Variants in ERBB4 observed in about 807,000 individuals in gnomAD.
ERBB4 encodes receptor tyrosine-protein kinase erbB-4.
ERBB4 carries 42 observed loss-of-function variants against 158.0 expected under a neutral mutation model. The ratio of observed to expected loss-of-function variants is 0.27; its 90% confidence interval spans 0.21 to 0.34. The LOEUF is 0.34. Among genes scored for constraint, ERBB4 ranks in the 10% least tolerant of loss-of-function variants. The probability of loss-of-function intolerance (pLI) is 1.00; values close to 1 mark genes in which losing one functional copy is unlikely to be tolerated. For synonymous variants in ERBB4, 583 were observed against 558.7 expected, an observed-to-expected ratio of 1.04 and a Z score of -0.61; for missense variants, 1,333 against 1,624.1, an observed-to-expected ratio of 0.82 and a Z score of 3.08.
intron 1 of ERBB4, among the ~76,000 whole-genome samples, chr2:212,220,469 TAA>T (rs2083258492): frequency 6.6e-6 from 1 of 151,394 alleles, no homozygotes; most frequent in Non-Finnish European, 1.5e-5. Context: ...TTTCCCAGCC[TAA>T]GAGTTAATTC....
At chr2:212,296,628 G>C (rs897674734) in intron 1 of ERBB4, among the ~76,000 whole-genome samples, 2 of 151,804 alleles carry the variant, frequency 1.3e-5, no homozygotes, top group African/African-American at 2.4e-5. Context: ...TCTGCCTTGC[G>C]CCATAACTCT....
chr2:212,145,137 C>T (rs2080620614), intron 1 of ERBB4, among the ~76,000 whole-genome samples: 1 of 151,998 alleles, frequency 6.6e-6, no homozygotes, highest in Non-Finnish European at 1.5e-5. Context: ...TTTCCATTGC[C>T]TTTACATATT....
chr2:212,056,891 C>T (rs530379278), intron 2 of ERBB4, among the ~76,000 whole-genome samples: 92 of 152,130 alleles, frequency 6.0e-4, no homozygotes, highest in African/African-American at 2.1e-3. Context: ...AATAACCAGC[C>T]AACATCATAA....
chr2:211,847,051 C>T (rs2077608040), intron 3 of ERBB4, among the ~76,000 whole-genome samples: 1 of 152,094 alleles, frequency 6.6e-6, no homozygotes, highest in Non-Finnish European at 1.5e-5. Context: ...TTTCCTCTGA[C>T]AAATGCCATC....
chr2:211,692,801 A>G (rs536315211), intron 12 of ERBB4, among the ~76,000 whole-genome samples: 7 of 152,262 alleles, frequency 4.6e-5, no homozygotes, highest in African/African-American at 1.7e-4. Context: ...TATAACATTC[A>G]TAGGTTCTGA....
At chr2:212,347,076 C>T (rs1447677486) in intron 1 of ERBB4, among the ~76,000 whole-genome samples, 3 of 152,046 alleles carry the variant, frequency 2.0e-5, no homozygotes, top group African/African-American at 7.2e-5. Context: ...GGCCTAAGTG[C>T]TAACATTGTA....
intron 1 of ERBB4, among the ~76,000 whole-genome samples, chr2:212,454,489 C>A (rs910654352): frequency 1.3e-5 from 2 of 152,172 alleles, no homozygotes; most frequent in Non-Finnish European, 2.9e-5. Context: ...GCATAAACCA[C>A]AGACTTTGTT....
At position 211,573,673 on chromosome 2, in the gene ERBB4, A is replaced by T. The variant is rs192057489; in HGVS notation, c.2302-11585T>A. Among the ~76,000 whole-genome samples the T allele has an allele frequency of 4.0e-3, 571 of 143,476 alleles. 1 individual carries two copies. Among genetic ancestry groups the T allele is most frequent in the African/African-American group, 0.013 (498 of 37,906 alleles). The allele number at this position is 143,476 out of a possible 152,430, so 94.1% of individuals were successfully genotyped here. ...TGACAGAGCGAGACTCCGTCTCAAA[A>T]AAATAAATAAATAAATAAAATAATA... On this transcript the variant is annotated intron_variant, in intron 19 of 27. Transcript: ENST00000342788.
At chr2:211,517,160 G>C (rs1049993153) in intron 20 of ERBB4, among the ~76,000 whole-genome samples, 10 of 151,806 alleles carry the variant, frequency 6.6e-5, no homozygotes, top group Non-Finnish European at 1.3e-4. Flanking sequence ...TATGGTACTG[G>C]GAATTAAAAA....
At chr2:211,772,924 C>CATATATATATATAT (rs1159274288) in intron 4 of ERBB4, among the ~76,000 whole-genome samples, 2 of 36,726 alleles carry the variant, frequency 5.4e-5, no homozygotes, top group East Asian at 2.7e-3. Context: ...CACACACACA[C>CATATATATATATAT]ATATATATAT....
chr2:212,472,940 T>C (rs1689188877), intron 1 of ERBB4, among the ~76,000 whole-genome samples: 1 of 151,936 alleles, frequency 6.6e-6, no homozygotes, highest in Admixed American at 6.6e-5. Context: ...TAAAAAGTGA[T>C]TCCTATCCCC....
intron 20 of ERBB4, among the ~76,000 whole-genome samples, chr2:211,525,625 G>A (rs10932380): frequency 0.65 from 98,966 of 151,896 alleles, 32,337 homozygotes; most frequent in East Asian, 0.79. Flanking sequence ...ACTGGAGTAG[G>A]GCACCAAACA....
intron 3 of ERBB4, among the ~76,000 whole-genome samples, chr2:211,863,294 G>T (rs2078115673): frequency 6.6e-6 from 1 of 152,162 alleles, no homozygotes; most frequent in Non-Finnish European, 1.5e-5. Flanking sequence ...GGACCAATCA[G>T]CACTCTGTAA....
chr2:212,231,135 T>C (rs2083651341), intron 1 of ERBB4, among the ~76,000 whole-genome samples: 1 of 152,152 alleles, frequency 6.6e-6, no homozygotes, highest in Non-Finnish European at 1.5e-5. Context: ...GTAACTACTT[T>C]GTTGTTTCAG....
chr2:211,730,273 G>C (rs1297153453), intron 5 of ERBB4, among the ~76,000 whole-genome samples: 1 of 151,752 alleles, frequency 6.6e-6, no homozygotes, highest in South Asian at 2.1e-4. Flanking sequence ...ATTTATTGTT[G>C]CTTCCTAGCA....
In ERBB4 at chr2:211,826,821, A is replaced by G. The variant is rs375862652; in HGVS notation, c.422-38662T>C. Reference sequence around the variant, plus strand: ...ATGCTATATGTGTATTTCTGCATTTATCAAAACATTTTAATGACATATTTT... The same window carrying G: ...ATGCTATATGTGTATTTCTGCATTTGTCAAAACATTTTAATGACATATTTT... On this transcript the variant is annotated intron_variant, in intron 3 of 27. Transcript: ENST00000342788. Among the ~76,000 whole-genome samples the G allele has an allele frequency of 6.0e-4, 91 of 152,178 alleles. 2 individuals are homozygous for G. In the South Asian group the frequency reaches 0.018, roughly 30 times the overall value.
At chr2:211,759,883 T>G (rs1338544628) in intron 4 of ERBB4, among the ~76,000 whole-genome samples, 1 of 152,098 alleles carries the variant, frequency 6.6e-6, no homozygotes, top group Non-Finnish European at 1.5e-5. Context: ...TTTTGTCATC[T>G]GCTATTTTCA....
At chr2:212,241,644 A>G (rs2084109992) in intron 1 of ERBB4, among the ~76,000 whole-genome samples, 1 of 152,116 alleles carries the variant, frequency 6.6e-6, no homozygotes, top group Admixed American at 6.6e-5. Flanking sequence ...CTTGGTAATT[A>G]TTTTAGTTGA....
At chr2:211,744,053 A>G (rs1366513624) in intron 5 of ERBB4, among the ~76,000 whole-genome samples, 2 of 152,232 alleles carry the variant, frequency 1.3e-5, no homozygotes, top group Non-Finnish European at 1.5e-5. Flanking sequence ...CAATCTACTT[A>G]CATTAATATT....
Sources: allele counts gnomAD v4.1 joint callset (sites outside exome capture counted in the v4.1 genomes callset), GRCh38; gene constraint gnomAD v4.1.1; transcripts MANE v1.5; gene names NCBI Gene and HGNC (gene_info 2026-07-23, HGNC 2026-07-21).